EIF4G3: variants seen among roughly 807,000 people sequenced by gnomAD.
The protein encoded by EIF4G3 is eukaryotic translation initiation factor 4 gamma 3, also known as eIF-4-gamma 3.
Under a neutral mutation model 186.4 loss-of-function variants are expected in EIF4G3, and 34 were observed. The ratio of observed to expected loss-of-function variants is 0.18; its 90% CI spans 0.14 to 0.24. The LOEUF (loss-of-function observed/expected upper bound fraction) is 0.24, where lower values mean the gene tolerates loss of function less well. EIF4G3 is among the 10% of genes least tolerant of loss of function. The pLI is 1.00. For synonymous variants in EIF4G3, 673 were observed against 679.5 expected (o/e 0.99, Z 0.15); for missense variants, 1,536 against 1,948.5 (o/e 0.79, Z 3.99).
At position 20,817,282 on chromosome 1, in the gene EIF4G3, A is replaced by T. The variant is rs1234039414; in HGVS notation, c.4515+110T>A. 3.3e-3 allele frequency: 1,255 copies of T among 379,360 alleles called. 16 individuals carry two copies. Among genetic ancestry groups the T allele is most frequent in the African/African-American group, 0.029 (970 of 32,974 alleles). The allele number at this position is 379,360 out of a possible 1,614,324, so 23.5% of individuals were successfully genotyped here. ...TAAATAAAAAAATAAATAAATAAAA[A>T]AAAATAAAAATAAAAATTCATGAAG... is the stretch of plus-strand genomic sequence containing the variant. On this transcript the variant is annotated intron_variant, in intron 34 of 36. Coordinates refer to ENST00000602326, the MANE Select transcript of EIF4G3 (RefSeq NM_001391906.1).
intron 20 of EIF4G3, 93 bp downstream of exon 20, chr1:20,879,230 T>C: frequency 1.1e-6 from 1 of 923,636 alleles, no homozygotes; most frequent in Non-Finnish European, 1.6e-6. Context: ...CTCCCCTTTA[T>C]GTTGCCCCAA....
chr1:20,995,344 C>T (rs981475921), intron 7 of EIF4G3, among the ~76,000 whole-genome samples: 5 of 151,850 alleles, frequency 3.3e-5, no homozygotes, highest in African/African-American at 1.2e-4. Context: ...TAAGAAAGGC[C>T]CAGGCTATTT....
chr1:21,124,436 G>A (rs939765208), intron 2 of EIF4G3, among the ~76,000 whole-genome samples: 3 of 152,192 alleles, frequency 2.0e-5, no homozygotes, highest in African/African-American at 4.8e-5. Context: ...ACCTTGAAGA[G>A]CCAGCAAAGC....
At position 21,176,752 on chromosome 1, in the gene EIF4G3, G is replaced by A; in HGVS notation, c.-486C>T. 2 of 698,512 alleles carry A rather than the reference G, an allele frequency of 2.9e-6. No individual in the cohort carries two copies. The highest frequency in any genetic ancestry group is 5.2e-6 in the Non-Finnish European group (2 of 383,300). The allele number at this position is 698,512 out of a possible 1,614,324, so 43.3% of individuals were successfully genotyped here. On this transcript the variant is annotated 5_prime_UTR_variant, in exon 1 of 37. Coordinates refer to ENST00000602326, the MANE Select transcript of EIF4G3 (RefSeq NM_001391906.1). ...ACGGCAATATCCTCATGGGCCGGCG[G>A]CGGGGGATCTTTATCCCCCTCCCCG...
intron 12 of EIF4G3, among the ~76,000 whole-genome samples, chr1:20,967,331 A>G (rs1014522633): frequency 6.6e-6 from 1 of 152,254 alleles, no homozygotes; most frequent in Non-Finnish European, 1.5e-5. Context: ...AATACAGACT[A>G]AAATTTGACT....
chr1:20,898,804 C>CA (rs747682599), intron 16 of EIF4G3, among the ~76,000 whole-genome samples: 17 of 152,162 alleles, frequency 1.1e-4, no homozygotes, highest in Non-Finnish European at 1.9e-4. Flanking sequence ...AATCTTGGCT[C>CA]ACTGCAACCT....
chr1:20,998,478 T>C (rs1358362025), intron 6 of EIF4G3, among the ~76,000 whole-genome samples: 2 of 152,294 alleles, frequency 1.3e-5, no homozygotes, highest in African/African-American at 4.8e-5. Flanking sequence ...AGAAATGTAA[T>C]TCCTCAGCTA....
chr1:20,843,647 T>G (rs182477656), intron 29 of EIF4G3, among the ~76,000 whole-genome samples: 177 of 152,302 alleles, frequency 1.2e-3, no homozygotes, highest in Non-Finnish European at 1.9e-3. Context: ...TGATATATAT[T>G]TTTTAAACTT....
At chr1:21,041,237 C>T (rs1419509371) in intron 4 of EIF4G3, among the ~76,000 whole-genome samples, 1 of 152,110 alleles carries the variant, frequency 6.6e-6, no homozygotes, top group East Asian at 1.9e-4. Context: ...CTCTAGATTA[C>T]CTCCGCATCC....
chr1:20,822,587 T>TC (rs1445943368), intron 33 of EIF4G3, among the ~76,000 whole-genome samples: 2 of 150,120 alleles, frequency 1.3e-5, no homozygotes, highest in African/African-American at 4.9e-5. Flanking sequence ...TGTTCTAATT[T>TC]CTTTTTTTTT....
intron 2 of EIF4G3, among the ~76,000 whole-genome samples, chr1:21,128,111 G>A (rs2097084254): frequency 6.6e-6 from 1 of 152,012 alleles, no homozygotes; most frequent in Non-Finnish European, 1.5e-5. Context: ...GGAGGCTGAG[G>A]CAGGAGAATG....
chr1:20,972,896 A>C, intron 11 of EIF4G3, 106 bp downstream of exon 11: 1 of 839,026 alleles, frequency 1.2e-6, no homozygotes, highest in Non-Finnish European at 1.8e-6. Context: ...AAAAAAAAAA[A>C]GGCACAGTAA....
intron 33 of EIF4G3, among the ~76,000 whole-genome samples, chr1:20,820,946 G>A (rs1049661839): frequency 3.3e-5 from 5 of 151,968 alleles, no homozygotes; most frequent in African/African-American, 1.2e-4. Context: ...GGGACAACCT[G>A]CCTACTAGAG....
chr1:20,881,280 G>C (rs2082242041), intron 19 of EIF4G3, among the ~76,000 whole-genome samples: 1 of 152,080 alleles, frequency 6.6e-6, no homozygotes, highest in African/African-American at 2.4e-5. Context: ...CACAAGAAAG[G>C]GGAGAAAAAG....
chr1:21,098,285 T>C (rs543313444), intron 2 of EIF4G3, among the ~76,000 whole-genome samples: 1 of 152,014 alleles, frequency 6.6e-6, no homozygotes, highest in Non-Finnish European at 1.5e-5. Context: ...GTCATGCCCA[T>C]AATCCCAACA....
At position 21,002,706 on chromosome 1, in the gene EIF4G3, T is replaced by C; in HGVS notation, c.30+7A>G. 6.2e-7 allele frequency: 1 copy of C among 1,613,182 alleles called. No homozygotes were observed. The highest frequency in any genetic ancestry group is 8.5e-7 in the Non-Finnish European group (1 of 1,179,570). On this transcript the variant is annotated splice_region_variant and intron_variant, in intron 5 of 36. Transcript: ENST00000602326. Reference sequence around the variant, plus strand: ...ATGTAATTTGGTTCAAGCTTCTGCTTACTTACCGGAGAACGGGTTTGAGGT... The same window carrying C: ...ATGTAATTTGGTTCAAGCTTCTGCTCACTTACCGGAGAACGGGTTTGAGGT...
chr1:21,085,593 C>T (rs1483144629), intron 3 of EIF4G3, among the ~76,000 whole-genome samples: 2 of 151,978 alleles, frequency 1.3e-5, no homozygotes, highest in Non-Finnish European at 2.9e-5. Context: ...GATGGGGTCT[C>T]ATTATGTTGC....
intron 14 of EIF4G3, among the ~76,000 whole-genome samples, chr1:20,919,910 A>G (rs577875431): frequency 1.4e-5 from 2 of 144,238 alleles, no homozygotes; most frequent in Non-Finnish European, 3.2e-5. Flanking sequence ...TCTGGAGATA[A>G]TTCTTTTTTT....
chr1:21,012,727 G>A (rs1281882560), intron 4 of EIF4G3, among the ~76,000 whole-genome samples: 2 of 152,278 alleles, frequency 1.3e-5, no homozygotes, highest in East Asian at 1.9e-4. Context: ...CAGGATTAAC[G>A]TGCAGCTCCC....
Sources: gnomAD v4.1 joint callset for allele counts (sites outside exome capture counted in the v4.1 genomes callset) on GRCh38, gnomAD v4.1.1 for gene constraint, MANE v1.5 for transcripts, NCBI Gene and HGNC (gene_info 2026-07-23, HGNC 2026-07-21) for gene names.